The following CYFIP1 variants were observed in gnomAD, a reference collection of about 807,000 sequenced individuals.
The protein encoded by CYFIP1 is cytoplasmic FMR1 interacting protein 1, also known as cytoplasmic FMR1-interacting protein 1.
A neutral mutation model predicts 163.5 loss-of-function variants in CYFIP1; 58 were observed. The ratio of observed to expected loss-of-function variants is 0.35; its 90% CI spans 0.29 to 0.44. CYFIP1 has a LOEUF of 0.44. CYFIP1 is among the 20% of genes least tolerant of loss of function. The pLI, the probability that CYFIP1 is intolerant of heterozygous loss-of-function variation, is 1.00. For synonymous variants in CYFIP1, 663 were observed against 660.7 expected (o/e 1.00, Z -0.05); for missense variants, 1,338 against 1,653.8 (o/e 0.81, Z 3.31).
intron 1 of CYFIP1, among the ~76,000 whole-genome samples, chr15:22,951,850 G>C (rs893122637): frequency 6.6e-6 from 1 of 152,200 alleles, no homozygotes; most frequent in African/African-American, 2.4e-5. Context: ...CGTCAGCTGT[G>C]ATCCACAGCA....
chr15:22,973,410 T>C (rs544392758), intron 1 of CYFIP1, among the ~76,000 whole-genome samples: 1 of 151,996 alleles, frequency 6.6e-6, no homozygotes, highest in East Asian at 1.9e-4. Context: ...CTCTCTCCCC[T>C]GCTTTCTGGC....
chr15:22,951,384 C>A (rs376541332), intron 1 of CYFIP1: 2 of 1,276,132 alleles, frequency 1.6e-6, no homozygotes, highest in South Asian at 2.5e-5. Flanking sequence ...CAGCCCCGGC[C>A]GGGTGGGTGC....
chr15:22,916,809 G>A, intron 15 of CYFIP1, 179 bp from the exon 16 acceptor site: 1 of 1,567,554 alleles, frequency 6.4e-7, no homozygotes, highest in Non-Finnish European at 8.7e-7. Context: ...TGCTGCTTTG[G>A]GGAAAGAACA....
intron 23 of CYFIP1, 52 bp from the exon 24 acceptor site, chr15:22,883,063 A>G: frequency 6.3e-7 from 1 of 1,587,082 alleles, no homozygotes. Flanking sequence ...ACATGTGCAG[A>G]TGAAGAACTG....
At chr15:22,966,780 G>T (rs1392136242) in intron 1 of CYFIP1, among the ~76,000 whole-genome samples, 1 of 151,454 alleles carries the variant, frequency 6.6e-6, no homozygotes, top group Admixed American at 6.6e-5. Context: ...AAGGGAACCC[G>T]CTTGGCAGCA....
intron 4 of CYFIP1, 78 bp downstream of exon 4, chr15:22,944,784 A>G: frequency 1.9e-6 from 3 of 1,541,070 alleles, no homozygotes; most frequent in South Asian, 2.2e-5. Flanking sequence ...TGGGCCAGGC[A>G]TGGCAGGGGC....
intron 18 of CYFIP1, among the ~76,000 whole-genome samples, chr15:22,911,868 T>C (rs2060798278): frequency 1.3e-5 from 2 of 152,306 alleles, no homozygotes; most frequent in South Asian, 4.1e-4. Flanking sequence ...CAGAGTGCTA[T>C]TTATAAAATC....
chr15:22,880,864 A>G (rs1421969627), intron 25 of CYFIP1, among the ~76,000 whole-genome samples: 2 of 152,132 alleles, frequency 1.3e-5, no homozygotes, highest in Non-Finnish European at 2.9e-5. Flanking sequence ...GGGGACGCTC[A>G]TGCACCTGTG....
chr15:22,877,084 TCATGGTGAAATTTAATTGCCAATGTAG>T (rs1335511002), intron 26 of CYFIP1, among the ~76,000 whole-genome samples: 1 of 152,142 alleles, frequency 6.6e-6, no homozygotes, highest in African/African-American at 2.4e-5. Flanking sequence ...CTGCCAAAAC[TCATGGTGAAATTTAATTGCCAATGTAG>T]CAGTGTTGGA....
At chr15:22,926,243 CG>C in intron 12 of CYFIP1, 136 bp from the exon 13 acceptor site, 1 of 1,271,494 alleles carries the variant, frequency 7.9e-7, no homozygotes, top group Non-Finnish European at 1.1e-6. Flanking sequence ...CACATGAGGG[CG>C]CACACACCGT....
chr15:22,957,817 T>A (rs986072742), intron 1 of CYFIP1, among the ~76,000 whole-genome samples: 5 of 152,202 alleles, frequency 3.3e-5, no homozygotes, highest in Non-Finnish European at 5.9e-5. Flanking sequence ...AATATTTTTG[T>A]GCAAGCTGTT....
Position 22,917,115 on chromosome 15 carries a change from C to A in CYFIP1, c.1675-485G>T, listed in dbSNP as rs898993740. 8.3e-6 allele frequency: 12 copies of A among 1,452,134 alleles called. No homozygotes were observed. In the Admixed American group the frequency reaches 1.9e-4, roughly 23 times the overall value. 90.0% of individuals were successfully genotyped at this position (1,452,134 alleles called of 1,614,324 possible). The stretch of plus-strand genomic sequence containing the variant: ...ACCCCAGGCAGGGACACGGGACGCA[C>A]GCAGAGGGAGGCAGGGAGGGTGGCT... On this transcript the variant is annotated intron_variant, in intron 15 of 30. Transcript: ENST00000617928. The surrounding 1 kb of genome is among the most constrained non-coding windows in gnomAD (Gnocchi z 4.2).
intron 26 of CYFIP1, among the ~76,000 whole-genome samples, chr15:22,875,981 A>G (rs2059576072): frequency 6.7e-6 from 1 of 149,516 alleles, no homozygotes; most frequent in Admixed American, 6.8e-5. Flanking sequence ...AAATTGAGCA[A>G]CTGCTGTTCA....
At chr15:22,916,777 C>T (rs779240623) in intron 15 of CYFIP1, 147 bp from the exon 16 acceptor site, 3 of 1,595,912 alleles carry the variant, frequency 1.9e-6, no homozygotes, top group South Asian at 1.1e-5. Context: ...GGTCCGGGTG[C>T]CTGTCTACGC....
chr15:22,894,877 A>ATAT lies in CYFIP1; in HGVS notation c.2589-1901_2589-1900insATA, dbSNP rs1555401576. Among the ~76,000 whole-genome samples, 41 of 138,302 alleles carry ATAT rather than the reference A, an allele frequency of 3.0e-4. 1 individual carries two copies. The highest frequency in any genetic ancestry group is 6.3e-4 in the East Asian group (3 of 4,736). 90.7% of individuals were successfully genotyped at this position (138,302 alleles called of 152,430 possible). A position where few individuals can be genotyped will look rare whatever the true frequency, so the allele number is the denominator to read the frequency against. On this transcript the variant is annotated intron_variant, in intron 22 of 30. Coordinates refer to ENST00000617928, the MANE Select transcript of CYFIP1 (RefSeq NM_014608.6). Reference sequence around the variant, plus strand: ...TATTATATATTTTATATATATATATATTTTTTTTTTTTTTGTCACCCACAC... The same window carrying ATAT: ...TATTATATATTTTATATATATATATATATTTTTTTTTTTTTTTGTCACCCACAC...
At chr15:22,934,787 C>T (rs111785214) in intron 9 of CYFIP1, among the ~76,000 whole-genome samples, 9 of 151,942 alleles carry the variant, frequency 5.9e-5, no homozygotes, top group South Asian at 2.1e-4. Context: ...CATAAGCCAC[C>T]GTGCCCAGCC....
At chr15:22,925,188 A>G (rs2061320667) in intron 13 of CYFIP1, among the ~76,000 whole-genome samples, 1 of 152,188 alleles carries the variant, frequency 6.6e-6, no homozygotes, top group Non-Finnish European at 1.5e-5. Flanking sequence ...TCATATCCTG[A>G]TTAAAATCCT....
At chr15:22,907,296 C>T (rs963597025) in intron 21 of CYFIP1, among the ~76,000 whole-genome samples, 7 of 152,202 alleles carry the variant, frequency 4.6e-5, no homozygotes, top group African/African-American at 1.7e-4. Context: ...AGGTGGCGGG[C>T]AGCACAACTC....
chr15:22,973,015 A>T (rs2063150267), intron 1 of CYFIP1, among the ~76,000 whole-genome samples: 1 of 152,140 alleles, frequency 6.6e-6, no homozygotes, highest in Admixed American at 6.6e-5. Flanking sequence ...GCACACCTGT[A>T]ATCCCAGCTA....
Sources: allele counts gnomAD v4.1 joint callset (sites outside exome capture counted in the v4.1 genomes callset), GRCh38; gene constraint gnomAD v4.1.1; non-coding constraint Gnocchi (gnomAD v3.1); transcripts MANE v1.5; gene names NCBI Gene and HGNC (gene_info 2026-07-23, HGNC 2026-07-21).